CCDC69: variants seen among roughly 807,000 people sequenced by gnomAD.
The protein encoded by CCDC69 is coiled-coil domain containing 69.
Under a neutral mutation model 40.3 loss-of-function variants are expected in CCDC69, and 38 were observed. The observed-to-expected ratio is 0.94, with a 90% confidence interval of 0.73 to 1.24. CCDC69 has a LOEUF of 1.24. CCDC69 is among the 50% of genes most tolerant of loss of function. The pLI is 0.00. For missense variants in CCDC69, 389 were observed against 357.9 expected (o/e 1.09, Z -0.70); for synonymous variants, 141 against 138.9 (o/e 1.02, Z -0.11).
chr5:151,207,343 G>C (rs774931779), intron 1 of CCDC69, among the ~76,000 whole-genome samples: 3 of 152,096 alleles, frequency 2.0e-5, no homozygotes, highest in Non-Finnish European at 4.4e-5. Flanking sequence ...CCAGGCTGGA[G>C]TGCAGTGGCG....
intron 1 of CCDC69, among the ~76,000 whole-genome samples, chr5:151,218,970 C>T (rs1381377885): frequency 6.6e-6 from 1 of 152,146 alleles, no homozygotes; most frequent in Non-Finnish European, 1.5e-5. Context: ...TTTTAGGTTG[C>T]CAAACGCAAA....
Position 151,200,879 on chromosome 5 carries a change from C to T in CCDC69, c.231+703G>A, listed in dbSNP as rs541090239. Among the ~76,000 whole-genome samples, 32 of 152,312 alleles carry T rather than the reference C, an allele frequency of 2.1e-4. No homozygotes were observed. In the South Asian group the frequency reaches 3.9e-3, roughly 19 times the overall value. On this transcript the variant is annotated intron_variant, in intron 3 of 8. Coordinates refer to ENST00000355417, the MANE Select transcript of CCDC69 (RefSeq NM_015621.3). Reference sequence around the variant, plus strand: ...CCTTGGTTAAGGGTTCTATTATGTCCTTTCACGGCACTGTAAACTTTTCAT... The same window carrying T: ...CCTTGGTTAAGGGTTCTATTATGTCTTTTCACGGCACTGTAAACTTTTCAT...
In CCDC69 at chr5:151,205,507, G is replaced by A. The variant is rs752607011; in HGVS notation, c.49-32C>T. ...GAAATGAGACAACAGCAAGGCGTGG[G>A]TAGAGGGTGGGAGGTCAATGCGAGG... On this transcript the variant is annotated intron_variant, in intron 1 of 8. Transcript: ENST00000355417. The A allele has an allele frequency of 2.5e-6, 4 of 1,598,638 alleles. No individual in the cohort carries two copies. The South Asian group carries it at 4.4e-5, about 18-fold the overall frequency.
chr5:151,221,629 C>A (rs552010978), intron 1 of CCDC69, among the ~76,000 whole-genome samples: 2 of 152,266 alleles, frequency 1.3e-5, no homozygotes, highest in East Asian at 1.9e-4. Flanking sequence ...TGACTTTGGA[C>A]CCATCGTTCC....
intron 5 of CCDC69, among the ~76,000 whole-genome samples, chr5:151,186,656 C>A (rs369589048): frequency 1.8e-4 from 28 of 152,306 alleles, no homozygotes; most frequent in African/African-American, 6.0e-4. Context: ...TTCTATACAT[C>A]CTCTCCTGCA....
At chr5:151,190,494 G>A (rs924578288) in intron 4 of CCDC69, among the ~76,000 whole-genome samples, 24 of 151,792 alleles carry the variant, frequency 1.6e-4, no homozygotes, top group African/African-American at 2.4e-4. Flanking sequence ...GGTGAAACCC[G>A]GTCTCTACCC....
intron 1 of CCDC69, among the ~76,000 whole-genome samples, chr5:151,217,636 G>T (rs1372321851): frequency 2.0e-5 from 3 of 152,158 alleles, no homozygotes; most frequent in African/African-American, 7.2e-5. Context: ...GGTGGGTGCT[G>T]GCAATCCTTC....
Position 151,224,015 on chromosome 5 carries a change from C to T in CCDC69, c.-45G>A, listed in dbSNP as rs775711098. ...GACGCCGCTTCCCAACTCCGGGGCCCCCAGAGGAGCCTGCGATCCGGGCCC... is the reference window on the plus strand; with the variant it reads ...GACGCCGCTTCCCAACTCCGGGGCCTCCAGAGGAGCCTGCGATCCGGGCCC... On this transcript the variant is annotated 5_prime_UTR_variant, in exon 1 of 9. Coordinates refer to ENST00000355417, the MANE Select transcript of CCDC69 (RefSeq NM_015621.3). 10 of 1,501,992 alleles carry T rather than the reference C, an allele frequency of 6.7e-6. No homozygotes were observed. The African/African-American group carries it at 1.5e-4, about 22-fold the overall frequency. 93.0% of individuals were successfully genotyped at this position (1,501,992 alleles called of 1,614,324 possible).
At chr5:151,210,371 C>T (rs1169927787) in intron 1 of CCDC69, among the ~76,000 whole-genome samples, 3 of 151,840 alleles carry the variant, frequency 2.0e-5, no homozygotes, top group Admixed American at 6.6e-5. Context: ...TGTGAAACCC[C>T]GTCTCTACTA....
At chr5:151,223,335 C>T (rs779280293) in intron 1 of CCDC69, among the ~76,000 whole-genome samples, 1 of 152,254 alleles carries the variant, frequency 6.6e-6, no homozygotes, top group Non-Finnish European at 1.5e-5. Context: ...GGGCAGCCCA[C>T]ACTCACCAGC....
At position 151,224,047 on chromosome 5, in the gene CCDC69, C is replaced by T; in HGVS notation, c.-77G>A. ...GAGCCTGCGATCCGGGCCCCGCTGCCCGCTCCGCGCCCGCCGGCTGGGGCT... is the reference window on the plus strand; with the variant it reads ...GAGCCTGCGATCCGGGCCCCGCTGCTCGCTCCGCGCCCGCCGGCTGGGGCT... On this transcript the variant is annotated 5_prime_UTR_variant, in exon 1 of 9. Coordinates refer to ENST00000355417, the MANE Select transcript of CCDC69 (RefSeq NM_015621.3). The T allele has an allele frequency of 1.5e-6, 2 of 1,303,788 alleles. No homozygotes were observed. The highest frequency in any genetic ancestry group is 1.6e-5 in the African/African-American group (1 of 63,760). 80.8% of individuals were successfully genotyped at this position (1,303,788 alleles called of 1,614,324 possible). A position where few individuals can be genotyped will look rare whatever the true frequency, so the allele number is the denominator to read the frequency against.
intron 8 of CCDC69, among the ~76,000 whole-genome samples, 185 bp from the exon 9 acceptor site, chr5:151,183,799 A>C (rs1013146794): frequency 6.6e-6 from 1 of 152,218 alleles, no homozygotes; most frequent in Middle Eastern, 3.2e-3. Context: ...GGCCTCACAG[A>C]CAGGCAGGCA....
chr5:151,183,189 A>C lies in CCDC69; in HGVS notation c.*248T>G, dbSNP rs975026738. 8 of 649,796 alleles carry C rather than the reference A, an allele frequency of 1.2e-5. No individual in the cohort carries two copies. Among genetic ancestry groups the C allele is most frequent in the Admixed American group, 8.3e-5 (4 of 48,222 alleles). The allele number at this position is 649,796 out of a possible 1,614,324, so 40.3% of individuals were successfully genotyped here. A position where few individuals can be genotyped will look rare whatever the true frequency, so the allele number is the denominator to read the frequency against. ...GGACAGAGTGCTGGGGCAGGGAGGA[A>C]ATGTCTCCTCTTGCTTATTCCCTTG... On this transcript the variant is annotated 3_prime_UTR_variant, in exon 9 of 9. Coordinates refer to ENST00000355417, the MANE Select transcript of CCDC69 (RefSeq NM_015621.3).
intron 2 of CCDC69, among the ~76,000 whole-genome samples, chr5:151,203,853 AG>A (rs1561602395): frequency 1.4e-5 from 2 of 139,870 alleles, no homozygotes; most frequent in African/African-American, 5.3e-5. Context: ...TATCATATAT[AG>A]TATATATATA....
Position 151,185,453 on chromosome 5 carries a change from A to G in CCDC69, c.584T>C (p.Leu195Pro), listed in dbSNP as rs1355550542. The G allele has an allele frequency of 6.2e-7, 1 of 1,614,092 alleles. No individual in the cohort carries two copies. The change falls in exon 7 of 9, where the codon CTG becomes CCG. Residue 195 changes from leucine (L) to proline (P), a missense_variant. Physicochemically the swap from Leu to Pro is moderately conservative, Grantham distance 98 (BLOSUM62 -3). Transcript: ENST00000355417. ...IEMKNERIHE[L>P]DRRLILMETV... The stretch of plus-strand genomic sequence containing the variant: ...TTCCATGAGGATCAGCCGCCTGTCC[A>G]GCTCATGAATACGCTCATTCTTCAT...
chr5:151,207,847 C>A (rs887318863), intron 1 of CCDC69, among the ~76,000 whole-genome samples: 6 of 151,676 alleles, frequency 4.0e-5, no homozygotes, highest in Non-Finnish European at 8.8e-5. Context: ...CTTTTCTCTT[C>A]TCTTACAAAG....
At chr5:151,212,549 G>A (rs1395575133) in intron 1 of CCDC69, among the ~76,000 whole-genome samples, 2 of 152,198 alleles carry the variant, frequency 1.3e-5, no homozygotes, top group African/African-American at 2.4e-5. Context: ...GCCATGGAGA[G>A]CCACATGAGC....
Position 151,223,971 on chromosome 5 carries a change from C to G in CCDC69, c.-1G>C. 6.4e-7 allele frequency: 1 copy of G among 1,562,782 alleles called. No individual in the cohort carries two copies. Among genetic ancestry groups the G allele is most frequent in the Non-Finnish European group, 8.6e-7 (1 of 1,160,106 alleles). The stretch of plus-strand genomic sequence containing the variant: ...TCAGCCTGCTGTGTCTGCAGCCCAT[C>G]CTCCTCCGGGGGCTCCCGGACGCCG... On this transcript the variant is annotated 5_prime_UTR_variant, in exon 1 of 9. Coordinates refer to ENST00000355417, the MANE Select transcript of CCDC69 (RefSeq NM_015621.3).
intron 2 of CCDC69, among the ~76,000 whole-genome samples, chr5:151,203,599 T>TTAGTAAATATATA (rs1215676705): frequency 6.6e-4 from 93 of 141,248 alleles, no homozygotes; most frequent in African/African-American, 1.8e-3. Context: ...TATTTATATA[T>TTAGTAAATATATA]TAGTAAATAT....
Sources: allele counts gnomAD v4.1 joint callset (sites outside exome capture counted in the v4.1 genomes callset), GRCh38; gene constraint gnomAD v4.1.1; transcripts MANE v1.5; gene names NCBI Gene and HGNC (gene_info 2026-07-23, HGNC 2026-07-21).